Variants in LYRM4 observed in about 807,000 individuals in gnomAD.
LYRM4 encodes the protein LYR motif-containing protein 4.
A neutral mutation model predicts 11.7 loss-of-function variants in LYRM4; 9 were observed. That is an observed-to-expected ratio of 0.77 (90% confidence interval 0.46 to 1.34). LYRM4 has a LOEUF of 1.34. Ranked by LOEUF, LYRM4 falls within the 40% of genes most tolerant of loss-of-function variation. The pLI, the probability that LYRM4 is intolerant of heterozygous loss-of-function variation, is 0.00. For missense variants in LYRM4, 133 were observed against 112.5 expected (o/e 1.18, Z -0.82); for synonymous variants, 42 against 40.4 (o/e 1.04, Z -0.15).
chr6:5,246,742 T>C (rs1310764695), intron 1 of LYRM4, among the ~76,000 whole-genome samples: 3 of 151,816 alleles, frequency 2.0e-5, no homozygotes, highest in East Asian at 1.9e-4. Flanking sequence ...AGCTTTGTTG[T>C]GGCAGGTCTG....
At chr6:5,056,926 C>T in the LYRM4 span, among the ~76,000 whole-genome samples, 1 of 152,136 alleles carries the variant, frequency 6.6e-6, no homozygotes, top group African/African-American at 2.4e-5. Flanking sequence ...AGCTTTTCCT[C>T]AAAGCAACGT....
Position 5,117,345 on chromosome 6 carries a change from A to G in LYRM4, c.208-7854T>C, listed in dbSNP as rs911901930. Among the ~76,000 whole-genome samples the G allele has an allele frequency of 2.6e-5, 4 of 152,176 alleles. No individual in the cohort carries two copies. The South Asian group carries it at 8.3e-4, about 32-fold the overall frequency. ...CCCGAGGTGGGTGGATCACGAGGTC[A>G]AGAGATTGAGACCATCCTGGCAAAC... On this transcript the variant is annotated intron_variant, in intron 2 of 2. Coordinates refer to ENST00000330636, the MANE Select transcript of LYRM4 (RefSeq NM_020408.6).
At chr6:5,080,538 C>T in the LYRM4 span, among the ~76,000 whole-genome samples, 3,534 of 152,274 alleles carry the variant, frequency 0.023, 123 homozygotes, top group African/African-American at 0.08. Flanking sequence ...TTTTGGTCTA[C>T]TCATTCATAA....
At chr6:5,144,410 G>T in intron 2 of LYRM4, 1 of 802,316 alleles carries the variant, frequency 1.2e-6, no homozygotes. Context: ...GGCTGAGGCG[G>T]GCAGATCACA....
chr6:5,190,237 T>C (rs934293408), intron 2 of LYRM4, among the ~76,000 whole-genome samples: 2 of 152,174 alleles, frequency 1.3e-5, no homozygotes, highest in Admixed American at 1.3e-4. Flanking sequence ...AGGCTTTTTT[T>C]TTTAATTTAA....
chr6:5,085,883 A>G, the LYRM4 span: 2 of 1,531,474 alleles, frequency 1.3e-6, no homozygotes, highest in Non-Finnish European at 1.7e-6. Flanking sequence ...AAGCGGGTGC[A>G]GTTCGCGGAC....
chr6:5,112,935 C>T (rs2127595196), intron 2 of LYRM4: 1 of 158,966 alleles, frequency 6.3e-6, no homozygotes, highest in South Asian at 1.7e-4. Flanking sequence ...GTGGAGAAGG[C>T]AGAGAAGAGA....
the LYRM4 span, among the ~76,000 whole-genome samples, chr6:5,062,081 CTTTT>C: frequency 1.7e-3 from 201 of 117,248 alleles, no homozygotes; most frequent in African/African-American, 3.9e-3. Flanking sequence ...CTTCCTTCTT[CTTTT>C]TTTTTTTTTT....
chr6:5,225,548 T>A (rs1342562041), intron 1 of LYRM4, among the ~76,000 whole-genome samples: 1 of 152,252 alleles, frequency 6.6e-6, no homozygotes, highest in African/African-American at 2.4e-5. Flanking sequence ...AAAGGTGATT[T>A]AGTTTTAAAA....
chr6:5,206,246 A>G (rs960705358), intron 2 of LYRM4, among the ~76,000 whole-genome samples: 2 of 152,238 alleles, frequency 1.3e-5, no homozygotes, highest in Admixed American at 6.5e-5. Flanking sequence ...CCTTAGAGAT[A>G]CACTGAGCAA....
chr6:5,197,283 G>T (rs571639329), intron 2 of LYRM4, among the ~76,000 whole-genome samples: 9 of 152,272 alleles, frequency 5.9e-5, no homozygotes, highest in Non-Finnish European at 1.3e-4. Context: ...TGGTTGAAGG[G>T]GGGGGCCAAG....
At chr6:5,085,721 G>C in the LYRM4 span, 2 of 1,545,240 alleles carry the variant, frequency 1.3e-6, no homozygotes, top group South Asian at 2.4e-5. Flanking sequence ...TGCCGCCGCC[G>C]CTGCCGCGCG....
chr6:5,158,056 AGAAG>A (rs1351694348), intron 2 of LYRM4, among the ~76,000 whole-genome samples: 1 of 152,244 alleles, frequency 6.6e-6, no homozygotes, highest in African/African-American at 2.4e-5. Flanking sequence ...AGGATCAGAG[AGAAG>A]GAAGAAAAGA....
chr6:5,211,187 G>C (rs960081182), intron 2 of LYRM4, among the ~76,000 whole-genome samples: 1 of 152,148 alleles, frequency 6.6e-6, no homozygotes, highest in Admixed American at 6.5e-5. Flanking sequence ...AAAAGGATGA[G>C]AACTGTGGGT....
chr6:5,108,718 T>G lies in LYRM4; in HGVS notation c.*705A>C, dbSNP rs1408735798. On this transcript the variant is annotated 3_prime_UTR_variant, in exon 3 of 3. Transcript: ENST00000330636. The stretch of plus-strand genomic sequence containing the variant: ...CCCTGGGCTTGGGTCAGGCTGGGGC[T>G]CTCTCATTCACCAGGTGTGGGGAGG... 2.2e-6 allele frequency: 2 copies of G among 922,998 alleles called. No homozygotes were observed. Among genetic ancestry groups the G allele is most frequent in the East Asian group, 2.3e-4 (2 of 8,550 alleles). The allele number at this position is 922,998 out of a possible 1,614,324, so 57.2% of individuals were successfully genotyped here.
intron 2 of LYRM4, among the ~76,000 whole-genome samples, chr6:5,180,729 C>T (rs114113079): frequency 0.018 from 2,685 of 152,308 alleles, 74 homozygotes; most frequent in African/African-American, 0.061. Flanking sequence ...GCGATGCTCT[C>T]GTGGATACCC....
intron 2 of LYRM4, chr6:5,144,317 A>T (rs138094945): frequency 2.6e-6 from 4 of 1,533,300 alleles, no homozygotes; most frequent in Non-Finnish European, 3.5e-6. Flanking sequence ...TTTGGACAAG[A>T]AAAAGAAGTG....
intron 2 of LYRM4, among the ~76,000 whole-genome samples, chr6:5,203,778 G>T (rs1168506816): frequency 3.3e-5 from 5 of 152,202 alleles, no homozygotes; most frequent in Non-Finnish European, 7.3e-5. Context: ...CCCTCGTGTT[G>T]CGTCTAAGCG....
rs967803273 is a variant in LYRM4, at chr6:5,246,700, G to A, written c.86+13948C>T. 1.3e-5 allele frequency among the ~76,000 whole-genome samples: 2 copies of A among 152,228 alleles called. 1 individual carries two copies. The highest frequency in any genetic ancestry group is 6.8e-3 in the Middle Eastern group (2 of 294). ...AGACAGAATGCGGGGAAGTTGGGGC[G>A]AGGAAGGAGTCTTGGACAAATGCCC... On this transcript the variant is annotated intron_variant, in intron 1 of 2. Transcript: ENST00000330636.
Sources: allele counts gnomAD v4.1 joint callset (sites outside exome capture counted in the v4.1 genomes callset), GRCh38; gene constraint gnomAD v4.1.1; transcripts MANE v1.5; gene names NCBI Gene and HGNC (gene_info 2026-07-23, HGNC 2026-07-21).